RNGTT: variants seen among roughly 807,000 people sequenced by gnomAD.
RNGTT encodes the protein RNA guanylyltransferase and 5'-phosphatase.
A neutral mutation model predicts 79.3 loss-of-function variants in RNGTT; 33 were observed. The ratio of observed to expected loss-of-function variants is 0.42; its 90% CI spans 0.32 to 0.56. The LOEUF (loss-of-function observed/expected upper bound fraction) is 0.56. Ranked by LOEUF, RNGTT falls within the 20% of genes least tolerant of loss-of-function variation. The pLI is 0.17. For synonymous variants in RNGTT, 222 were observed against 235.9 expected (o/e 0.94, Z 0.54); for missense variants, 497 against 739.1 (o/e 0.67, Z 3.80).
intron 14 of RNGTT, among the ~76,000 whole-genome samples, chr6:88,632,000 G>A (rs960902129): frequency 3.9e-5 from 6 of 152,016 alleles, no homozygotes; most frequent in South Asian, 2.1e-4. Flanking sequence ...TTGCTCTGTC[G>A]CCCAAGCTAG....
intron 5 of RNGTT, among the ~76,000 whole-genome samples, chr6:88,905,562 T>C (rs1226955537): frequency 6.6e-6 from 1 of 152,202 alleles, no homozygotes; most frequent in Non-Finnish European, 1.5e-5. Flanking sequence ...ACATAAATAA[T>C]GATGCTCCCT....
chr6:88,880,672 C>G (rs1404717792), intron 8 of RNGTT, among the ~76,000 whole-genome samples: 1 of 152,038 alleles, frequency 6.6e-6, no homozygotes, highest in Non-Finnish European at 1.5e-5. Flanking sequence ...TACAACAGTA[C>G]TTATTAAAAC....
intron 14 of RNGTT, among the ~76,000 whole-genome samples, chr6:88,652,343 T>C (rs1299509054): frequency 6.6e-6 from 1 of 152,206 alleles, no homozygotes; most frequent in Non-Finnish European, 1.5e-5. Context: ...AAACTTGTCA[T>C]TTTATTTATA....
intron 11 of RNGTT, among the ~76,000 whole-genome samples, chr6:88,822,412 G>A (rs182930631): frequency 9.2e-5 from 14 of 152,226 alleles, no homozygotes; most frequent in African/African-American, 1.9e-4. Context: ...CAAAGGTGAC[G>A]CATAAAAATG....
chr6:88,874,543 G>A (rs1164901931), intron 8 of RNGTT, among the ~76,000 whole-genome samples: 1 of 151,916 alleles, frequency 6.6e-6, no homozygotes, highest in Admixed American at 6.6e-5. Flanking sequence ...TTCACAAAGA[G>A]GATAAAGTTT....
At chr6:88,651,728 C>A (rs1332824140) in intron 14 of RNGTT, among the ~76,000 whole-genome samples, 1 of 147,426 alleles carries the variant, frequency 6.8e-6, no homozygotes, top group Admixed American at 6.6e-5. Context: ...TATTCATTTC[C>A]CTATGTTTCA....
At chr6:88,637,033 AGCACAGT>A (rs1773125207) in intron 14 of RNGTT, among the ~76,000 whole-genome samples, 1 of 152,112 alleles carries the variant, frequency 6.6e-6, no homozygotes, top group Non-Finnish European at 1.5e-5. Flanking sequence ...TGTAACCTGA[AGCACAGT>A]GCTCAGAATC....
At chr6:88,843,960 A>C (rs1194520599) in intron 11 of RNGTT, among the ~76,000 whole-genome samples, 1 of 149,560 alleles carries the variant, frequency 6.7e-6, no homozygotes. Context: ...GTATATATAT[A>C]TACATACACA....
At chr6:88,902,436 C>CA (rs541750370) in intron 6 of RNGTT, among the ~76,000 whole-genome samples, 58 of 151,304 alleles carry the variant, frequency 3.8e-4, no homozygotes, top group Non-Finnish European at 6.3e-4. Context: ...ATTGTCTCTA[C>CA]AAAAAAAATA....
chr6:88,647,107 TTA>T (rs1773595444), intron 14 of RNGTT, among the ~76,000 whole-genome samples: 2 of 152,150 alleles, frequency 1.3e-5, no homozygotes, highest in African/African-American at 4.8e-5. Flanking sequence ...ACCATCAGTA[TTA>T]TATATTGAAC....
intron 4 of RNGTT, among the ~76,000 whole-genome samples, chr6:88,911,918 C>T (rs1783840361): frequency 6.6e-6 from 1 of 150,938 alleles, no homozygotes; most frequent in African/African-American, 2.4e-5. Flanking sequence ...AGACTCCTGT[C>T]TCTACAAAAA....
intron 10 of RNGTT, among the ~76,000 whole-genome samples, chr6:88,848,454 A>G (rs976134494): frequency 2.1e-5 from 3 of 145,264 alleles, no homozygotes; most frequent in African/African-American, 8.6e-5. Context: ...CAAAAAATGG[A>G]AACCTTAATG....
At position 88,963,448 on chromosome 6, in the gene RNGTT, T is replaced by A; in HGVS notation, c.-39A>T. ...GCAGAGCTGCCCTCCCTCACCAACGTTCACCGCGCCTTTGGAGCCGCCTCC... is the reference window on the plus strand; with the variant it reads ...GCAGAGCTGCCCTCCCTCACCAACGATCACCGCGCCTTTGGAGCCGCCTCC... On this transcript the variant is annotated 5_prime_UTR_variant, in exon 1 of 16. Transcript: ENST00000369485. 1 of 1,514,142 alleles carries A rather than the reference T, an allele frequency of 6.6e-7. No individual in the cohort carries two copies. The highest frequency in any genetic ancestry group is 8.9e-7 in the Non-Finnish European group (1 of 1,127,368). 93.8% of individuals were successfully genotyped at this position (1,514,142 alleles called of 1,614,324 possible). A position where few individuals can be genotyped will look rare whatever the true frequency, so the allele number is the denominator to read the frequency against.
intron 4 of RNGTT, among the ~76,000 whole-genome samples, chr6:88,915,341 C>A (rs1433569440): frequency 6.6e-6 from 1 of 152,144 alleles, no homozygotes; most frequent in Non-Finnish European, 1.5e-5. Context: ...GCACTATTTA[C>A]AATAGCAAAG....
At chr6:88,833,093 A>G (rs1431036672) in intron 11 of RNGTT, among the ~76,000 whole-genome samples, 1 of 152,232 alleles carries the variant, frequency 6.6e-6, no homozygotes, top group Non-Finnish European at 1.5e-5. Flanking sequence ...CCAAAGGAGT[A>G]TAAATCATTC....
intron 10 of RNGTT, among the ~76,000 whole-genome samples, chr6:88,844,879 G>A (rs766294237): frequency 1.3e-5 from 2 of 152,006 alleles, no homozygotes; most frequent in Non-Finnish European, 2.9e-5. Context: ...CATGAGCCCA[G>A]GAGTTTGAGG....
chr6:88,893,741 T>G (rs1344344751), intron 6 of RNGTT, among the ~76,000 whole-genome samples: 1 of 152,132 alleles, frequency 6.6e-6, no homozygotes, highest in Non-Finnish European at 1.5e-5. Flanking sequence ...TTTCCTACCA[T>G]GCATCAACTT....
At chr6:88,858,423 A>T (rs1392860448) in intron 8 of RNGTT, among the ~76,000 whole-genome samples, 1 of 152,220 alleles carries the variant, frequency 6.6e-6, no homozygotes, top group Admixed American at 6.5e-5. Flanking sequence ...ACAGTGAAGA[A>T]GAAGCTATTA....
intron 1 of RNGTT, among the ~76,000 whole-genome samples, chr6:88,945,975 T>C (rs946538930): frequency 4.6e-5 from 7 of 152,242 alleles, no homozygotes; most frequent in African/African-American, 1.4e-4. Context: ...CACATTCCGA[T>C]ATGAGCAAGA....
Sources: gnomAD v4.1 joint callset for allele counts (sites outside exome capture counted in the v4.1 genomes callset) on GRCh38, gnomAD v4.1.1 for gene constraint, MANE v1.5 for transcripts, NCBI Gene and HGNC (gene_info 2026-07-23, HGNC 2026-07-21) for gene names.